The following EFCAB8 variants were observed in gnomAD, a reference collection of about 807,000 sequenced individuals.
The protein encoded by EFCAB8 is EF-hand calcium binding domain 8.
In EFCAB8, 100 loss-of-function variants were observed where a neutral mutation model predicts 116.3. That is an observed-to-expected ratio of 0.86 (90% confidence interval 0.73 to 1.02). EFCAB8 has a LOEUF of 1.02. EFCAB8 is among the 50% of genes least tolerant of loss of function. EFCAB8 has a pLI of 0.00. For synonymous variants in EFCAB8, 558 were observed against 567.9 expected, an observed-to-expected ratio of 0.98 and a Z score of 0.25; for missense variants, 1,320 against 1,416.9, an observed-to-expected ratio of 0.93 and a Z score of 1.10.
At chr20:32,948,155 C>T (rs1275039420) in intron 23 of EFCAB8, among the ~76,000 whole-genome samples, 2 of 152,056 alleles carry the variant, frequency 1.3e-5, no homozygotes, top group Non-Finnish European at 2.9e-5. Flanking sequence ...GAGATGACAT[C>T]ATTTCTGATT....
At chr20:32,889,129 G>A (rs1400387965) in intron 6 of EFCAB8, among the ~76,000 whole-genome samples, 172 bp from the exon 7 acceptor site, 1 of 152,130 alleles carries the variant, frequency 6.6e-6, no homozygotes, top group Non-Finnish European at 1.5e-5. Context: ...CTGAGACCCA[G>A]GGAGGCTAGG....
intron 5 of EFCAB8, among the ~76,000 whole-genome samples, chr20:32,884,893 C>T (rs543973602): frequency 1.3e-5 from 2 of 152,278 alleles, no homozygotes; most frequent in South Asian, 4.1e-4. Flanking sequence ...TGCAGGGAAG[C>T]AACCCACAGA....
intron 8 of EFCAB8, 137 bp downstream of exon 8, chr20:32,892,434 G>A: frequency 1.4e-6 from 1 of 714,860 alleles, no homozygotes; most frequent in Non-Finnish European, 2.3e-6. Flanking sequence ...TGGCTCCAAG[G>A]CCCCTGTGTC....
intron 11 of EFCAB8, 103 bp from the exon 12 acceptor site, chr20:32,906,459 G>A: frequency 1.4e-6 from 1 of 694,198 alleles, no homozygotes; most frequent in Non-Finnish European, 2.7e-6. Context: ...TAGGCCTCCT[G>A]GGAGGCTCTG....
At position 32,959,883 on chromosome 20, in the gene EFCAB8, C is replaced by CA. The variant is rs1652722888; in HGVS notation, c.3197dup (p.Leu1067AlafsTer20). 6.4e-7 allele frequency: 1 copy of CA among 1,551,450 alleles called. No homozygotes were observed. The highest frequency in any genetic ancestry group is 1.4e-5 in the African/African-American group (1 of 73,040). ...CAGATAAGGAGGCAGACACTTGGGCCAAGCTGCAGAAGATGGCCCTGATGT... is the reference window on the plus strand; with the variant it reads ...CAGATAAGGAGGCAGACACTTGGGCCAAAGCTGCAGAAGATGGCCCTGATGT... On this transcript the variant is annotated frameshift_variant, in exon 25 of 27. Transcript: ENST00000400522. LOFTEE classifies it high-confidence loss of function.
intron 11 of EFCAB8, among the ~76,000 whole-genome samples, chr20:32,905,968 G>T (rs976840504): frequency 9.9e-5 from 15 of 152,004 alleles, no homozygotes; most frequent in South Asian, 4.1e-4. Context: ...TTTGCAACCT[G>T]TGTGACCTTG....
At chr20:32,864,920 G>T (rs915528939) in intron 2 of EFCAB8, among the ~76,000 whole-genome samples, 6 of 152,220 alleles carry the variant, frequency 3.9e-5, no homozygotes, top group African/African-American at 1.4e-4. Flanking sequence ...GTATTCAGGT[G>T]TCATTTAGGT....
rs530360710 is a variant in EFCAB8 at position 32,903,891 on chromosome 20, GC to G, written c.1089-2668del. ...GAGCCACAGTGTTGTCCAGGTTGATGCCCAGGCACCTGGCTTAGGCCCCCCG... is the reference window on the plus strand; with the variant it reads ...GAGCCACAGTGTTGTCCAGGTTGATGCCAGGCACCTGGCTTAGGCCCCCCG... On this transcript the variant is annotated intron_variant, in intron 11 of 26. Transcript: ENST00000400522. Among the ~76,000 whole-genome samples the G allele has an allele frequency of 6.8e-3, 1,036 of 152,304 alleles. 15 individuals carry two copies. Among genetic ancestry groups the G allele is most frequent in the African/African-American group, 0.023 (975 of 41,564 alleles).
chr20:32,899,227 T>TACA (rs1183552406), intron 11 of EFCAB8, among the ~76,000 whole-genome samples: 1 of 135,530 alleles, frequency 7.4e-6, no homozygotes, highest in East Asian at 2.1e-4. Context: ...CTACTAAAAA[T>TACA]ACAATAATAA....
chr20:32,915,362 C>G (rs1280683345), intron 17 of EFCAB8, among the ~76,000 whole-genome samples: 1 of 152,216 alleles, frequency 6.6e-6, no homozygotes, highest in Non-Finnish European at 1.5e-5. Flanking sequence ...CTACCTGTCT[C>G]AAAACACTAG....
At chr20:32,928,270 C>G (rs1987751700) in intron 20 of EFCAB8, among the ~76,000 whole-genome samples, 1 of 150,454 alleles carries the variant, frequency 6.6e-6, no homozygotes, top group Admixed American at 6.6e-5. Flanking sequence ...GAGTCTTGCT[C>G]TGTCGCCCAG....
chr20:32,960,411 G>C (rs1276469278), intron 26 of EFCAB8, among the ~76,000 whole-genome samples: 1 of 152,354 alleles, frequency 6.6e-6, no homozygotes, highest in Admixed American at 6.5e-5. Context: ...GGGCCTGTGG[G>C]ACAAGGTCTC....
At chr20:32,953,798 G>C (rs1988873152) in intron 23 of EFCAB8, among the ~76,000 whole-genome samples, 2 of 151,992 alleles carry the variant, frequency 1.3e-5, no homozygotes, top group Non-Finnish European at 2.9e-5. Flanking sequence ...GTTGATTGTT[G>C]ATTGTGGTTT....
chr20:32,925,813 C>T (rs1420178138), intron 20 of EFCAB8, among the ~76,000 whole-genome samples: 8 of 152,254 alleles, frequency 5.3e-5, no homozygotes, highest in African/African-American at 9.6e-5. Context: ...GCCATTAACC[C>T]GCTGTGGTTG....
Position 32,892,495 on chromosome 20 carries a change from CAG to C in EFCAB8, c.758+201_758+202del, listed in dbSNP as rs1049548759. ...CTCAGGGTCACCTCTCATGGTCACT[CAG>C]AGCTTGGAGTCATTGTCACTCCCCC... On this transcript the variant is annotated intron_variant, in intron 8 of 26. Coordinates refer to ENST00000400522, the MANE Select transcript of EFCAB8 (RefSeq NM_001143967.2). Among the ~76,000 whole-genome samples, 18 of 152,330 alleles carry C rather than the reference CAG, an allele frequency of 1.2e-4. No homozygotes were observed. The South Asian group carries it at 2.1e-3, about 18-fold the overall frequency.
At position 32,876,058 on chromosome 20, in the gene EFCAB8, C is replaced by G; in HGVS notation, c.327+14C>G. 6.5e-7 allele frequency: 1 copy of G among 1,548,736 alleles called. No homozygotes were observed. The highest frequency in any genetic ancestry group is 8.7e-7 in the Non-Finnish European group (1 of 1,144,634). ...TTTGTCACCTGGGTGAGGAGGGTGCCCCTGCTTCCTCAGGTGCTGGAGGGA... is the reference window on the plus strand; with the variant it reads ...TTTGTCACCTGGGTGAGGAGGGTGCGCCTGCTTCCTCAGGTGCTGGAGGGA... On this transcript the variant is annotated intron_variant, in intron 4 of 26. Coordinates refer to ENST00000400522, the MANE Select transcript of EFCAB8 (RefSeq NM_001143967.2).
chr20:32,901,450 A>G (rs891612586), intron 11 of EFCAB8, among the ~76,000 whole-genome samples: 2 of 151,676 alleles, frequency 1.3e-5, no homozygotes, highest in Non-Finnish European at 2.9e-5. Context: ...AGCTTGGTGT[A>G]TAAGATATGT....
At chr20:32,876,786 G>A (rs1183633999) in intron 4 of EFCAB8, among the ~76,000 whole-genome samples, 1 of 152,100 alleles carries the variant, frequency 6.6e-6, no homozygotes, top group African/African-American at 2.4e-5. Context: ...GGGTAACGTG[G>A]TAAAACCCTG....
intron 20 of EFCAB8, among the ~76,000 whole-genome samples, chr20:32,925,976 C>T (rs577393085): frequency 5.2e-4 from 79 of 152,232 alleles, no homozygotes; most frequent in Non-Finnish European, 9.4e-4. Flanking sequence ...CGCAGCCACA[C>T]GGCTCTGTCC....
Sources: allele counts gnomAD v4.1 joint callset (sites outside exome capture counted in the v4.1 genomes callset), GRCh38; gene constraint gnomAD v4.1.1; transcripts MANE v1.5; gene names NCBI Gene and HGNC (gene_info 2026-07-23, HGNC 2026-07-21).